The following FAM3B variants were observed in gnomAD, a reference collection of about 807,000 sequenced individuals.
The protein encoded by FAM3B is protein FAM3B.
In FAM3B, 29 loss-of-function variants were observed where a neutral mutation model predicts 28.4. The ratio of observed to expected loss-of-function variants is 1.02; its 90% confidence interval spans 0.76 to 1.39. The LOEUF (loss-of-function observed/expected upper bound fraction) is 1.39, where lower values mean the gene tolerates loss of function less well. Among genes scored for constraint, FAM3B ranks in the 40% most tolerant of loss-of-function variants. FAM3B has a pLI of 0.00. For synonymous variants in FAM3B, 91 were observed against 103.0 expected (o/e 0.88, Z 0.71); for missense variants, 266 against 293.9 (o/e 0.91, Z 0.69).
chr21:41,319,148 A>C (rs1045476257), intron 1 of FAM3B, among the ~76,000 whole-genome samples: 2 of 152,110 alleles, frequency 1.3e-5, no homozygotes, highest in Non-Finnish European at 2.9e-5. Context: ...CGGGTTCCTT[A>C]GCTTTCCAAA....
chr21:41,316,973 C>A (rs1428629577), intron 1 of FAM3B, 75 bp downstream of exon 1: 4 of 1,197,766 alleles, frequency 3.3e-6, no homozygotes, highest in Non-Finnish European at 4.2e-6. Flanking sequence ...GCTCCCCAAC[C>A]CTGCCTGGGA....
At chr21:41,355,679 G>A (rs1255570370) in intron 7 of FAM3B, among the ~76,000 whole-genome samples, 1 of 152,158 alleles carries the variant, frequency 6.6e-6, no homozygotes. Flanking sequence ...CTAGGGTTGG[G>A]GGAAAGGAGA....
chr21:41,322,596 T>C, intron 1 of FAM3B: 1 of 717,380 alleles, frequency 1.4e-6, no homozygotes. Flanking sequence ...AGGTTCACGT[T>C]GGGCATGCTG....
At chr21:41,314,536 T>G (rs1039579310), upstream of FAM3B, among the ~76,000 whole-genome samples, 2 of 152,256 alleles carry the variant, frequency 1.3e-5, no homozygotes, top group African/African-American at 4.8e-5. Flanking sequence ...TAGTTCTTGC[T>G]ATTGATGATG....
intron 7 of FAM3B, 86 bp downstream of exon 7, chr21:41,348,810 C>A: frequency 2.1e-6 from 3 of 1,449,456 alleles, no homozygotes; most frequent in Non-Finnish European, 2.9e-6. Flanking sequence ...GGTTATAACT[C>A]CGTCTCCAAA....
chr21:41,323,172 T>C (rs1403413894), intron 2 of FAM3B, 106 bp downstream of exon 2: 62 of 1,464,532 alleles, frequency 4.2e-5, no homozygotes, highest in Non-Finnish European at 5.6e-6. Context: ...GACGGCTTTA[T>C]ATCAGGAAGG....
At chr21:41,311,941 G>A (rs2088716580), upstream of FAM3B, among the ~76,000 whole-genome samples, 1 of 152,188 alleles carries the variant, frequency 6.6e-6, no homozygotes, top group African/African-American at 2.4e-5. Flanking sequence ...AGCAAGTCAC[G>A]TCTCATGTAG....
At position 41,353,634 on chromosome 21, in the gene FAM3B, C is replaced by T. The variant is rs978300323; in HGVS notation, c.619-3474C>T. ...GGAAAAGAATAGACTTGGACCCTAC[C>T]TCATACCATATACAAAAATTAAGTA... On this transcript the variant is annotated intron_variant, in intron 7 of 7. Transcript: ENST00000357985. Among the ~76,000 whole-genome samples the T allele has an allele frequency of 7.2e-5, 11 of 152,304 alleles. 1 individual carries two copies. Among genetic ancestry groups the T allele is most frequent in the East Asian group, 1.9e-4 (1 of 5,192 alleles).
At chr21:41,320,540 G>A (rs1259576387) in intron 1 of FAM3B, 2 of 152,248 alleles carry the variant, frequency 1.3e-5, no homozygotes, top group Admixed American at 1.3e-4. Flanking sequence ...TCTAGCGGCT[G>A]GGATACTTCC....
At chr21:41,356,438 T>C (rs2089167762) in intron 7 of FAM3B, among the ~76,000 whole-genome samples, 2 of 152,118 alleles carry the variant, frequency 1.3e-5, no homozygotes, top group African/African-American at 4.8e-5. Flanking sequence ...AAGTATGGAG[T>C]GTCTCATGGA....
At chr21:41,329,753 A>G (rs1008643349) in intron 2 of FAM3B, among the ~76,000 whole-genome samples, 4 of 152,136 alleles carry the variant, frequency 2.6e-5, no homozygotes, top group African/African-American at 9.7e-5. Flanking sequence ...TATTTTTAGC[A>G]GAGACGGTGT....
At chr21:41,305,349 C>G (rs958947955) in intron 1 of FAM3B, among the ~76,000 whole-genome samples, 1 of 152,182 alleles carries the variant, frequency 6.6e-6, no homozygotes, top group Non-Finnish European at 1.5e-5. Context: ...AAACTACCAA[C>G]ACGTGGCCAC....
Position 41,316,885 on chromosome 21 carries a change from C to G in FAM3B, c.6C>G (p.Arg2=). The G allele has an allele frequency of 7.1e-7, 1 of 1,404,222 alleles. No homozygotes were observed. The highest frequency in any genetic ancestry group is 3.2e-5 in the Admixed American group (1 of 31,046). 87.0% of individuals were successfully genotyped at this position (1,404,222 alleles called of 1,614,324 possible). The change falls in exon 1 of 8, where the codon CGC becomes CGG. Residue 2 remains arginine, a synonymous_variant. Coordinates refer to ENST00000357985, the MANE Select transcript of FAM3B (RefSeq NM_058186.4). M[R]PLAGGLLKVV... ...AGGGGAGCGGCACCTGGAAGATGCG[C>G]CCATTGGCTGGTGGTGAGTGCGCCC...
At chr21:41,308,770 C>T (rs1249242248) in intron 1 of FAM3B, among the ~76,000 whole-genome samples, 1 of 151,972 alleles carries the variant, frequency 6.6e-6, no homozygotes, top group Non-Finnish European at 1.5e-5. Flanking sequence ...AACTCCTGAC[C>T]TTAGGTGATC....
At chr21:41,336,137 C>G (rs552656849) in intron 2 of FAM3B, among the ~76,000 whole-genome samples, 1 of 152,294 alleles carries the variant, frequency 6.6e-6, no homozygotes, top group South Asian at 2.1e-4. Flanking sequence ...CATGTCAGGA[C>G]ACAGCAACAA....
chr21:41,318,740 A>G (rs2088773716), intron 1 of FAM3B, among the ~76,000 whole-genome samples: 1 of 152,210 alleles, frequency 6.6e-6, no homozygotes, highest in Non-Finnish European at 1.5e-5. Context: ...AGGTTGAAGG[A>G]AATCCCGTCA....
intron 7 of FAM3B, among the ~76,000 whole-genome samples, chr21:41,349,034 G>C (rs2089090342): frequency 6.6e-6 from 1 of 152,190 alleles, no homozygotes. Context: ...AAGTAAGAGA[G>C]CTCACCTCTT....
At chr21:41,335,705 G>A (rs372146402) in intron 2 of FAM3B, among the ~76,000 whole-genome samples, 5 of 152,100 alleles carry the variant, frequency 3.3e-5, no homozygotes, top group South Asian at 2.1e-4. Flanking sequence ...ATGGGATAGC[G>A]GCCTAATATA....
At chr21:41,343,779 C>G (rs1401461730) in intron 3 of FAM3B, among the ~76,000 whole-genome samples, 1 of 152,164 alleles carries the variant, frequency 6.6e-6, no homozygotes, top group African/African-American at 2.4e-5. Context: ...AGGGCACAAT[C>G]CTCTTGAATT....
Sources: allele counts gnomAD v4.1 joint callset (sites outside exome capture counted in the v4.1 genomes callset), GRCh38; gene constraint gnomAD v4.1.1; transcripts MANE v1.5; gene names NCBI Gene and HGNC (gene_info 2026-07-23, HGNC 2026-07-21).